Variants in PCDH7 observed in about 807,000 individuals in gnomAD.
PCDH7 encodes the protein protocadherin-7.
A neutral mutation model predicts 58.9 loss-of-function variants in PCDH7; 17 were observed. That is an observed-to-expected ratio of 0.29 (90% CI 0.20 to 0.43). The LOEUF (loss-of-function observed/expected upper bound fraction) is 0.43. Among genes scored for constraint, PCDH7 ranks in the 20% least tolerant of loss-of-function variants. The pLI is 1.00. For missense variants in PCDH7, 1,274 were observed against 1,441.0 expected (o/e 0.88, Z 1.88); for synonymous variants, 664 against 616.4 (o/e 1.08, Z -1.14).
intron 1 of PCDH7, among the ~76,000 whole-genome samples, chr4:30,730,595 C>T (rs980829080): frequency 6.6e-6 from 1 of 152,094 alleles, no homozygotes; most frequent in Non-Finnish European, 1.5e-5. Context: ...CCCCCACCCC[C>T]CAAGTGTATT....
intron 1 of PCDH7, among the ~76,000 whole-genome samples, chr4:30,824,173 C>T (rs1271608374): frequency 7.9e-6 from 1 of 127,208 alleles, no homozygotes; most frequent in African/African-American, 3.0e-5. Flanking sequence ...TTGCTTCCCT[C>T]ATATATGTGA....
At chr4:31,055,737 C>T (rs761010080) in intron 3 of PCDH7, among the ~76,000 whole-genome samples, 2 of 151,738 alleles carry the variant, frequency 1.3e-5, no homozygotes, top group Non-Finnish European at 2.9e-5. Context: ...CCACCATGCC[C>T]GGCTAATTTT....
intron 3 of PCDH7, among the ~76,000 whole-genome samples, chr4:31,117,379 G>A (rs1315889776): frequency 2.0e-5 from 3 of 151,888 alleles, no homozygotes; most frequent in African/African-American, 7.3e-5. Context: ...TTCCATTAAG[G>A]GCACTGAGCT....
At chr4:30,724,158 T>C (rs1714250058) in exon 1 of PCDH7, 1 of 1,613,838 alleles carries the variant, frequency 6.2e-7, no homozygotes, top group South Asian at 1.1e-5. Flanking sequence ...AAAATGGCTA[T>C]GAAGCCGGCA....
intron 1 of PCDH7, among the ~76,000 whole-genome samples, chr4:30,768,863 A>T (rs1024970672): frequency 6.6e-6 from 1 of 152,256 alleles, no homozygotes; most frequent in African/African-American, 2.4e-5. Context: ...ATTTGAAATA[A>T]AGCATAATTT....
chr4:30,912,136 A>C (rs1560494716), intron 1 of PCDH7, among the ~76,000 whole-genome samples: 1 of 152,178 alleles, frequency 6.6e-6, no homozygotes. Flanking sequence ...TCTGCTATTG[A>C]CTTGAAAGAA....
At chr4:30,841,325 T>C (rs1233273468) in intron 1 of PCDH7, among the ~76,000 whole-genome samples, 4 of 152,146 alleles carry the variant, frequency 2.6e-5, no homozygotes, top group Admixed American at 6.6e-5. Context: ...GGGGAAATGA[T>C]TTCTCAAATT....
At chr4:30,943,079 T>A (rs538243172) in intron 2 of PCDH7, among the ~76,000 whole-genome samples, 147 of 152,106 alleles carry the variant, frequency 9.7e-4, no homozygotes, top group South Asian at 1.7e-3. Context: ...AAGAAATAAT[T>A]CTCTGAGTTT....
rs1383262092 is a variant in PCDH7, at chr4:30,808,301, A to G, written c.70+83705A>G. Among the ~76,000 whole-genome samples, 3 of 152,236 alleles carry G rather than the reference A, an allele frequency of 2.0e-5. No homozygotes were observed. The East Asian group carries it at 5.8e-4, about 29-fold the overall frequency. On this transcript the variant is annotated intron_variant, in intron 1 of 3. Coordinates refer to the PCDH7 transcript ENST00000509759. ...TTTTCTTAATGGATTTGTTAAGAAG[A>G]TGTTTGAATAACAACTATTTTTTAG...
At chr4:30,745,109 T>C (rs1271822191) in intron 1 of PCDH7, among the ~76,000 whole-genome samples, 1 of 152,156 alleles carries the variant, frequency 6.6e-6, no homozygotes, top group Non-Finnish European at 1.5e-5. Flanking sequence ...AAAGAAGATA[T>C]ATAGACACTT....
intron 3 of PCDH7, among the ~76,000 whole-genome samples, chr4:30,965,741 C>T (rs1036867530): frequency 1.2e-4 from 18 of 151,910 alleles, no homozygotes; most frequent in African/African-American, 4.1e-4. Flanking sequence ...ATATTTTTTC[C>T]TTCTCTGTTC....
chr4:30,880,072 T>A (rs1478909539), intron 1 of PCDH7, among the ~76,000 whole-genome samples: 2 of 152,130 alleles, frequency 1.3e-5, no homozygotes, highest in African/African-American at 4.8e-5. Context: ...TCATGGAATA[T>A]TTAATGGAAT....
At chr4:30,826,094 C>T (rs925043861) in intron 1 of PCDH7, among the ~76,000 whole-genome samples, 1 of 152,136 alleles carries the variant, frequency 6.6e-6, no homozygotes, top group Non-Finnish European at 1.5e-5. Context: ...AGGCTTCACT[C>T]TTAAGGATGA....
At position 30,728,296 on chromosome 4, in the gene PCDH7, T is replaced by TAG. The variant is rs67735645; in HGVS notation, c.3175-2432_3175-2431dup. 2.9e-3 allele frequency among the ~76,000 whole-genome samples: 303 copies of TAG among 105,446 alleles called. 4 individuals carry two copies. Among genetic ancestry groups the TAG allele is most frequent in the African/African-American group, 0.01 (272 of 26,194 alleles). 69.2% of individuals were successfully genotyped at this position (105,446 alleles called of 152,430 possible). ...ACATATGTATATATATATATATATA[T>TAG]AGAGAGAGAGAGAGAGAGAGAGAGA... On this transcript the variant is annotated intron_variant, in intron 1 of 1. Coordinates refer to ENST00000361762, the Ensembl canonical transcript of PCDH7.
intron 2 of PCDH7, among the ~76,000 whole-genome samples, chr4:30,946,161 C>A (rs929116222): frequency 1.1e-4 from 16 of 152,058 alleles, no homozygotes; most frequent in African/African-American, 3.4e-4. Flanking sequence ...TTAAGACAGA[C>A]CTTACTGATA....
intron 2 of PCDH7, among the ~76,000 whole-genome samples, chr4:30,923,452 C>T (rs1017830610): frequency 8.5e-5 from 13 of 152,098 alleles, no homozygotes; most frequent in Non-Finnish European, 1.8e-4. Context: ...TTCAAAGGGC[C>T]TGTGTATTAA....
At chr4:30,994,636 G>C (rs1751719674) in intron 3 of PCDH7, among the ~76,000 whole-genome samples, 2 of 152,108 alleles carry the variant, frequency 1.3e-5, no homozygotes, top group Non-Finnish European at 2.9e-5. Flanking sequence ...CATATGTTGA[G>C]ATGGTCCTAT....
At chr4:30,920,354 G>C (rs1743035299) in exon 2 of PCDH7, 1 of 1,367,154 alleles carries the variant, frequency 7.3e-7, no homozygotes, top group Admixed American at 1.9e-5. Flanking sequence ...TGGTGAGGCA[G>C]AGCATATGGA....
intron 1 of PCDH7, among the ~76,000 whole-genome samples, chr4:30,838,506 C>T (rs532642187): frequency 2.8e-4 from 42 of 151,914 alleles, no homozygotes; most frequent in Admixed American, 1.3e-3. Flanking sequence ...TTTTTTTTCC[C>T]CCTTTTAAAA....
Sources: gnomAD v4.1 joint callset for allele counts (sites outside exome capture counted in the v4.1 genomes callset) on GRCh38, gnomAD v4.1.1 for gene constraint, MANE v1.5 for transcripts, NCBI Gene and HGNC (gene_info 2026-07-23, HGNC 2026-07-21) for gene names.